The following BMAL2 variants were observed in gnomAD, a reference collection of about 807,000 sequenced individuals.
The protein encoded by BMAL2 is basic helix-loop-helix ARNT-like protein 2.
At chr12:27,406,945 A>G in the BMAL2 span, among the ~76,000 whole-genome samples, 1 of 152,216 alleles carries the variant, frequency 6.6e-6, no homozygotes, top group Non-Finnish European at 1.5e-5. Flanking sequence ...TTGCAATCCT[A>G]ATCTCTGATA....
the BMAL2 span, among the ~76,000 whole-genome samples, chr12:27,411,931 C>A: frequency 1.1e-4 from 16 of 152,152 alleles, no homozygotes; most frequent in Admixed American, 1.0e-3. Flanking sequence ...AATCCAATGT[C>A]ATGAGGCTGT....
At chr12:27,404,402 T>G in the BMAL2 span, among the ~76,000 whole-genome samples, 29 of 152,082 alleles carry the variant, frequency 1.9e-4, no homozygotes, top group African/African-American at 6.7e-4. Context: ...ATTTCAGAAA[T>G]ACAATCAAAT....
At chr12:27,401,415 T>A in the BMAL2 span, 1 of 1,562,246 alleles carries the variant, frequency 6.4e-7, no homozygotes, top group Non-Finnish European at 8.8e-7. Flanking sequence ...ATGACAGTTT[T>A]AACTCTTAAT....
chr12:27,376,137 G>A, the BMAL2 span, among the ~76,000 whole-genome samples: 1 of 152,192 alleles, frequency 6.6e-6, no homozygotes, highest in East Asian at 1.9e-4. Context: ...TTATGGGAAT[G>A]GTGTTGCCTG....
the BMAL2 span, chr12:27,418,186 G>A: frequency 6.2e-7 from 1 of 1,606,886 alleles, no homozygotes; most frequent in Non-Finnish European, 8.5e-7. Flanking sequence ...ACAGCCATGA[G>A]CCACTCCTCA....
At chr12:27,359,235 C>G in the BMAL2 span, among the ~76,000 whole-genome samples, 16 of 152,152 alleles carry the variant, frequency 1.1e-4, no homozygotes, top group Admixed American at 1.0e-3. Flanking sequence ...GTAGGGATAG[C>G]AGGAACTTCC....
the BMAL2 span, among the ~76,000 whole-genome samples, chr12:27,376,996 G>T: frequency 1.7e-5 from 1 of 58,862 alleles, no homozygotes; most frequent in East Asian, 3.8e-4. Flanking sequence ...GCAAAACTCC[G>T]TCTCAAAAAA....
the BMAL2 span, chr12:27,390,117 A>G: frequency 1.2e-6 from 2 of 1,613,772 alleles, no homozygotes; most frequent in South Asian, 1.1e-5. Context: ...GTTCACAGTA[A>G]TCTCCACGCT....
the BMAL2 span, among the ~76,000 whole-genome samples, chr12:27,355,769 G>T: frequency 3.9e-5 from 6 of 152,168 alleles, no homozygotes; most frequent in Non-Finnish European, 8.8e-5. Flanking sequence ...GGAATTCACA[G>T]AAACTAACAG....
chr12:27,335,249 A>G, the BMAL2 span, among the ~76,000 whole-genome samples: 1 of 152,192 alleles, frequency 6.6e-6, no homozygotes, highest in Non-Finnish European at 1.5e-5. Context: ...AGTGTAAACC[A>G]AACTATGGGT....
the BMAL2 span, among the ~76,000 whole-genome samples, chr12:27,392,342 G>A: frequency 2.0e-5 from 3 of 152,150 alleles, no homozygotes; most frequent in African/African-American, 7.2e-5. Context: ...ATTGGAAATA[G>A]TCCACCTAAA....
chr12:27,409,545 T>G, the BMAL2 span, among the ~76,000 whole-genome samples: 4 of 152,176 alleles, frequency 2.6e-5, no homozygotes, highest in African/African-American at 2.4e-5. Flanking sequence ...TAGCCATATG[T>G]AGAAAGCTGA....
At chr12:27,369,985 G>C in the BMAL2 span, 1 of 630,202 alleles carries the variant, frequency 1.6e-6, no homozygotes, top group Non-Finnish European at 2.9e-6. Flanking sequence ...CCTGATTCCA[G>C]ATGTGGTATT....
the BMAL2 span, among the ~76,000 whole-genome samples, chr12:27,395,443 C>T: frequency 2.0e-5 from 3 of 152,034 alleles, no homozygotes; most frequent in African/African-American, 4.8e-5. Context: ...TGCAAAGATA[C>T]AAGAAGGAAA....
chr12:27,391,535 TTTCC>T, the BMAL2 span, among the ~76,000 whole-genome samples: 1 of 152,238 alleles, frequency 6.6e-6, no homozygotes, highest in African/African-American at 2.4e-5. Context: ...AATGATCTAT[TTTCC>T]TTTGGGTGTA....
At chr12:27,416,469 C>T in the BMAL2 span, among the ~76,000 whole-genome samples, 7 of 152,208 alleles carry the variant, frequency 4.6e-5, no homozygotes, top group African/African-American at 1.7e-4. Flanking sequence ...TGAACAAATA[C>T]TAGCTATTTG....
the BMAL2 span, among the ~76,000 whole-genome samples, chr12:27,335,525 A>G: frequency 6.6e-6 from 1 of 152,208 alleles, no homozygotes; most frequent in Admixed American, 6.5e-5. Context: ...TAGTTCTGCA[A>G]TTACAGTGGT....
chr12:27,407,529 T>G, the BMAL2 span, among the ~76,000 whole-genome samples: 2 of 152,096 alleles, frequency 1.3e-5, no homozygotes, highest in Non-Finnish European at 1.5e-5. Flanking sequence ...GAAATAAAGA[T>G]GTTCTTTGAA....
the BMAL2 span, among the ~76,000 whole-genome samples, chr12:27,389,569 C>A: frequency 7.9e-5 from 12 of 152,054 alleles, no homozygotes; most frequent in South Asian, 2.5e-3. Context: ...CAAATAAAAT[C>A]TTTACAAGAA....
Sources: allele counts gnomAD v4.1 joint callset (sites outside exome capture counted in the v4.1 genomes callset), GRCh38; gene constraint gnomAD v4.1.1; transcripts MANE v1.5; gene names NCBI Gene and HGNC (gene_info 2026-07-23, HGNC 2026-07-21).